WFS1: variants seen among roughly 807,000 people sequenced by gnomAD.
The protein encoded by WFS1 is wolframin.
A neutral mutation model predicts 68.5 loss-of-function variants in WFS1; 90 were observed. That is an observed-to-expected ratio of 1.31 (90% CI 1.11 to 1.56). The LOEUF is 1.56. Ranked by LOEUF, WFS1 falls within the 40% of genes most tolerant of loss-of-function variation. WFS1 has a pLI of 0.00. For synonymous variants in WFS1, 860 were observed against 540.7 expected, an observed-to-expected ratio of 1.59 and a Z score of -8.19; for missense variants, 1,767 against 1,232.6, an observed-to-expected ratio of 1.43 and a Z score of -6.49.
chr4:6,300,512 G>C, intron 7 of WFS1, 145 bp from the exon 8 acceptor site: 1 of 1,254,502 alleles, frequency 8.0e-7, no homozygotes, highest in South Asian at 1.4e-5. Context: ...GGGGGAGGGA[G>C]GACCACTAGG....
chr4:6,271,551 G>C (rs916020846), intron 1 of WFS1, among the ~76,000 whole-genome samples: 1 of 152,136 alleles, frequency 6.6e-6, no homozygotes, highest in African/African-American at 2.4e-5. Flanking sequence ...ATGCCTACAC[G>C]GCTCCCCTCC....
chr4:6,286,785 G>T (rs1730321564), intron 2 of WFS1, among the ~76,000 whole-genome samples: 1 of 152,190 alleles, frequency 6.6e-6, no homozygotes, highest in Non-Finnish European at 1.5e-5. Context: ...GGGGTGTGAT[G>T]GTGGGACTTG....
chr4:6,297,438 G>GC (rs1730666712), intron 7 of WFS1, among the ~76,000 whole-genome samples: 1 of 152,198 alleles, frequency 6.6e-6, no homozygotes, highest in East Asian at 1.9e-4. Flanking sequence ...TTCTCTTCTG[G>GC]AGCCTGGAGG....
chr4:6,286,621 G>A (rs896392907), intron 2 of WFS1, among the ~76,000 whole-genome samples: 2 of 152,262 alleles, frequency 1.3e-5, no homozygotes, highest in Admixed American at 6.5e-5. Context: ...TCCAAAAAAT[G>A]TGGTTTTTGT....
chr4:6,296,995 T>C (rs1475368504), intron 7 of WFS1, among the ~76,000 whole-genome samples: 1 of 152,154 alleles, frequency 6.6e-6, no homozygotes, highest in East Asian at 1.9e-4. Context: ...AGCTGATTTT[T>C]TTGAAAACAT....
rs181860202 is a variant in WFS1 at position 6,297,931 on chromosome 4, C to T, written c.862-2726C>T. The stretch of plus-strand genomic sequence containing the variant: ...GAGTTCAGGTGGGGGACCAGCCCCT[C>T]CACACTGTCCAAGCAGAGGCTAGAC... On this transcript the variant is annotated intron_variant, in intron 7 of 7. Coordinates refer to ENST00000226760, the MANE Select transcript of WFS1 (RefSeq NM_006005.3). Among the ~76,000 whole-genome samples, 359 of 152,276 alleles carry T rather than the reference C, an allele frequency of 2.4e-3. 4 individuals are homozygous for T. Among genetic ancestry groups the T allele is most frequent in the Admixed American group, 0.021 (316 of 15,292 alleles).
intron 2 of WFS1, among the ~76,000 whole-genome samples, chr4:6,282,160 C>T (rs1199617891): frequency 1.3e-5 from 2 of 152,234 alleles, no homozygotes; most frequent in Non-Finnish European, 2.9e-5. Flanking sequence ...GTCCTGTTCC[C>T]GCCTCAGAGT....
Position 6,302,097 on chromosome 4 carries a change from A to C in WFS1, c.2302A>C (p.Lys768Gln). ...KLLAKHPCHI[K>Q]KFDRYKFEIT... is the part of the protein sequence containing the mutation. The stretch of plus-strand genomic sequence containing the variant: ...GCTGGCCAAGCACCCCTGCCACATC[A>C]AGAAGTTCGACCGCTACAAGTTTGA... Residue 768 changes from lysine to glutamine, a missense_variant, in exon 8 of 8, where the codon AAG becomes CAG. Lys to Gln is a moderately conservative substitution (Grantham distance 53, BLOSUM62 1). Transcript: ENST00000226760. The C allele has an allele frequency of 6.2e-7, 1 of 1,612,880 alleles. No individual in the cohort carries two copies. The highest frequency in any genetic ancestry group is 8.5e-7 in the Non-Finnish European group (1 of 1,180,012).
chr4:6,282,392 C>T (rs950535936), intron 2 of WFS1, among the ~76,000 whole-genome samples: 1 of 152,202 alleles, frequency 6.6e-6, no homozygotes, highest in African/African-American at 2.4e-5. Flanking sequence ...TCTACCTTTC[C>T]CTTTGGCACA....
chr4:6,290,485 G>A (rs1224088508), intron 4 of WFS1, among the ~76,000 whole-genome samples: 1 of 152,246 alleles, frequency 6.6e-6, no homozygotes, highest in Non-Finnish European at 1.5e-5. Context: ...GGTTGGCCCC[G>A]TGTTCCCCCA....
chr4:6,299,215 T>G (rs1730752574), intron 7 of WFS1, among the ~76,000 whole-genome samples: 1 of 152,224 alleles, frequency 6.6e-6, no homozygotes, highest in South Asian at 2.1e-4. Flanking sequence ...GCATGAGGGC[T>G]GGCCCTGGGT....
In WFS1 at chr4:6,301,572, G is replaced by C. The variant is rs750108272; in HGVS notation, c.1777G>C (p.Glu593Gln). ...GTTCGCCCGGTGGTTCACGTCTCTG[G>C]AGCTCACCAAGATCGCAGTCACCGT... Reference protein sequence around the residue: ...LQFARWFTSLELTKIAVTVAV... With the variant: ...LQFARWFTSLQLTKIAVTVAV... Residue 593 changes from glutamate (E) to glutamine (Q), a missense_variant, in exon 8 of 8, where the codon GAG (glutamate) becomes CAG (glutamine). Glu to Gln is a conservative substitution (Grantham distance 29). Coordinates refer to ENST00000226760, the MANE Select transcript of WFS1 (RefSeq NM_006005.3). 3.1e-6 allele frequency: 5 copies of C among 1,614,044 alleles called. No individual in the cohort carries two copies. In the Admixed American group the frequency reaches 6.7e-5, roughly 22 times the overall value.
chr4:6,277,766 A>AG lies in WFS1; in HGVS notation c.232+82dup. 2.7e-6 allele frequency: 4 copies of AG among 1,488,430 alleles called. No individual in the cohort carries two copies. The South Asian group carries it at 4.8e-5, about 18-fold the overall frequency. 92.2% of individuals were successfully genotyped at this position (1,488,430 alleles called of 1,614,324 possible). A position where few individuals can be genotyped will look rare whatever the true frequency, so the allele number is the denominator to read the frequency against. Reference sequence around the variant, plus strand: ...GGGAACGGGGTTCAGCCACCCCTGGAGGGTCCCCCCGCCAGGTCCTCTGCA... The same window carrying AG: ...GGGAACGGGGTTCAGCCACCCCTGGAGGGGTCCCCCCGCCAGGTCCTCTGCA... On this transcript the variant is annotated intron_variant, in intron 2 of 7. Coordinates refer to ENST00000226760, the MANE Select transcript of WFS1 (RefSeq NM_006005.3).
chr4:6,292,089 C>T (rs749952220), intron 6 of WFS1, 92 bp downstream of exon 6: 11 of 1,326,588 alleles, frequency 8.3e-6, no homozygotes, highest in Non-Finnish European at 1.2e-5. Context: ...TCCTGGCCTG[C>T]CCTATCTCAC....
At chr4:6,276,267 G>A in intron 1 of WFS1, among the ~76,000 whole-genome samples, 1 of 152,228 alleles carries the variant, frequency 6.6e-6, no homozygotes. Flanking sequence ...CGGGGCTCGG[G>A]ATCCTGCAGC....
At chr4:6,289,517 C>T (rs555472461) in intron 4 of WFS1, among the ~76,000 whole-genome samples, 59 of 152,372 alleles carry the variant, frequency 3.9e-4, no homozygotes, top group African/African-American at 1.3e-3. Flanking sequence ...AGCTGATGTC[C>T]GTCGAGTCTG....
chr4:6,284,434 C>T (rs1022297259), intron 2 of WFS1, among the ~76,000 whole-genome samples: 1 of 152,156 alleles, frequency 6.6e-6, no homozygotes, highest in Non-Finnish European at 1.5e-5. Flanking sequence ...CTTGAAATGT[C>T]AGGCTGTGAA....
intron 2 of WFS1, among the ~76,000 whole-genome samples, chr4:6,282,208 G>A (rs1319212899): frequency 6.6e-6 from 1 of 152,246 alleles, no homozygotes; most frequent in Non-Finnish European, 1.5e-5. Context: ...GGACCATTCA[G>A]CCTGTCCATT....
rs548397726 is a variant in WFS1 at position 6,287,987 on chromosome 4, C to T, written c.315+812C>T. On this transcript the variant is annotated intron_variant, in intron 3 of 7. Transcript: ENST00000226760. This position sits in a 1 kb window ranked among gnomAD's most constrained non-coding sequence, Gnocchi z 6.4. ...ATCCCAGCACTTTGGGAGGCTGAGG[C>T]GGGTGGATCACCTGAGGTCAGGAGT... 2.0e-5 allele frequency among the ~76,000 whole-genome samples: 3 copies of T among 152,250 alleles called. No individual in the cohort carries two copies. The highest frequency in any genetic ancestry group is 2.1e-4 in the South Asian group (1 of 4,824).
Sources: gnomAD v4.1 joint callset for allele counts (sites outside exome capture counted in the v4.1 genomes callset) on GRCh38, gnomAD v4.1.1 for gene constraint, Gnocchi (gnomAD v3.1) non-coding constraint, MANE v1.5 for transcripts, NCBI Gene and HGNC (gene_info 2026-07-23, HGNC 2026-07-21) for gene names.